Variants in MED27 observed in about 807,000 individuals in gnomAD.
MED27 encodes the protein mediator of RNA polymerase II transcription subunit 27.
In MED27, 30 loss-of-function variants were observed where a neutral mutation model predicts 38.2. The ratio of observed to expected loss-of-function variants is 0.79; its 90% CI spans 0.59 to 1.07. The LOEUF is 1.07. MED27 is among the 50% of genes least tolerant of loss of function. The pLI is 0.00. For synonymous variants in MED27, 122 were observed against 153.5 expected (o/e 0.79, Z 1.52); for missense variants, 289 against 397.5 (o/e 0.73, Z 2.32).
At chr9:131,868,682 G>A in intron 6 of MED27, 1 of 985,490 alleles carries the variant, frequency 1.0e-6, no homozygotes, top group Non-Finnish European at 1.2e-6. Flanking sequence ...ACACTGGGAG[G>A]CCCAGGCCTC....
chr9:132,006,934 C>T (rs1290179736), intron 3 of MED27, among the ~76,000 whole-genome samples: 1 of 152,192 alleles, frequency 6.6e-6, no homozygotes, highest in Non-Finnish European at 1.5e-5. Context: ...ACAGCATCTA[C>T]CACACATCTT....
chr9:132,026,932 C>T (rs1342512820), intron 2 of MED27, among the ~76,000 whole-genome samples: 3 of 152,186 alleles, frequency 2.0e-5, no homozygotes, highest in African/African-American at 7.2e-5. Flanking sequence ...GAGGCACAGA[C>T]GTTAAGCGGC....
At chr9:131,983,962 G>T (rs1446346996) in intron 3 of MED27, among the ~76,000 whole-genome samples, 1 of 152,142 alleles carries the variant, frequency 6.6e-6, no homozygotes, top group Non-Finnish European at 1.5e-5. Flanking sequence ...AGCTGTATTT[G>T]ATCAGAGCCA....
chr9:131,901,092 T>TGAGG lies in MED27; in HGVS notation c.574-7104_574-7101dup, dbSNP rs1217582103. On this transcript the variant is annotated intron_variant, in intron 4 of 7. Transcript: ENST00000292035. ...CAGAAGAAGAGATGGGGAGAGAGAA[T>TGAGG]GAGGGAGGGAGGGGGGAAGGAGGGG... Among the ~76,000 whole-genome samples, 4 of 40,130 alleles carry TGAGG rather than the reference T, an allele frequency of 1.0e-4. No individual in the cohort carries two copies. The South Asian group carries it at 2.9e-3, about 29-fold the overall frequency. The allele number at this position is 40,130 out of a possible 152,430, so 26.3% of individuals were successfully genotyped here. A position where few individuals can be genotyped will look rare whatever the true frequency, so the allele number is the denominator to read the frequency against.
intron 2 of MED27, among the ~76,000 whole-genome samples, chr9:132,015,194 A>G (rs1021416602): frequency 3.3e-5 from 5 of 152,266 alleles, no homozygotes; most frequent in Admixed American, 2.6e-4. Context: ...GCTTATGAAT[A>G]TATCTTACAA....
chr9:131,910,023 G>C (rs1383497712), intron 4 of MED27, among the ~76,000 whole-genome samples: 1 of 152,174 alleles, frequency 6.6e-6, no homozygotes, highest in Non-Finnish European at 1.5e-5. Context: ...TATAAGATTT[G>C]AATAGTAGCA....
intron 3 of MED27, among the ~76,000 whole-genome samples, chr9:131,995,175 C>T (rs945399059): frequency 3.9e-5 from 6 of 152,040 alleles, no homozygotes; most frequent in African/African-American, 1.5e-4. Flanking sequence ...TGGACATGTA[C>T]ATGGGCATAT....
At chr9:131,927,370 C>T (rs1830501071) in intron 4 of MED27, among the ~76,000 whole-genome samples, 10 of 152,216 alleles carry the variant, frequency 6.6e-5, no homozygotes, top group Admixed American at 5.9e-4. Flanking sequence ...TTGGCAATTT[C>T]AGAATCAAAT....
At chr9:131,957,584 C>T (rs1206860742) in intron 3 of MED27, among the ~76,000 whole-genome samples, 1 of 151,880 alleles carries the variant, frequency 6.6e-6, no homozygotes, top group Non-Finnish European at 1.5e-5. Context: ...TTTTTATTAC[C>T]CCCAAAACTA....
intron 3 of MED27, among the ~76,000 whole-genome samples, chr9:131,963,678 A>G (rs1439345996): frequency 6.6e-6 from 1 of 152,176 alleles, no homozygotes; most frequent in African/African-American, 2.4e-5. Context: ...ATATACTTAC[A>G]TTTATTCCTA....
intron 2 of MED27, 107 bp downstream of exon 2, chr9:132,077,335 T>C: frequency 1.7e-6 from 2 of 1,148,592 alleles, no homozygotes; most frequent in Non-Finnish European, 1.2e-6. Context: ...CCATGCTGAA[T>C]CAAGAACATA....
At chr9:131,993,166 CA>C (rs1160199780) in intron 3 of MED27, among the ~76,000 whole-genome samples, 1 of 152,070 alleles carries the variant, frequency 6.6e-6, no homozygotes, top group Non-Finnish European at 1.5e-5. Flanking sequence ...TAGAGTCTAC[CA>C]CCGTGCCTTA....
chr9:131,986,652 GT>G (rs1304890514), intron 3 of MED27, among the ~76,000 whole-genome samples: 1 of 152,178 alleles, frequency 6.6e-6, no homozygotes, highest in African/African-American at 2.4e-5. Context: ...TATAGCCTAG[GT>G]GTGCCGTGGG....
At chr9:131,938,181 G>A (rs1410219510) in intron 4 of MED27, among the ~76,000 whole-genome samples, 1 of 152,098 alleles carries the variant, frequency 6.6e-6, no homozygotes, top group Non-Finnish European at 1.5e-5. Context: ...TGAACGGCTG[G>A]AGTAAACAGT....
chr9:132,030,760 T>G (rs1218297697), intron 2 of MED27, among the ~76,000 whole-genome samples: 1 of 152,226 alleles, frequency 6.6e-6, no homozygotes, highest in East Asian at 1.9e-4. Context: ...GCCAGAGGCC[T>G]TCCTGTTGAA....
At chr9:131,901,339 G>A (rs1336665902) in intron 4 of MED27, among the ~76,000 whole-genome samples, 5 of 152,322 alleles carry the variant, frequency 3.3e-5, no homozygotes, top group Admixed American at 2.6e-4. Context: ...TCATAGAACT[G>A]TAGGCTGAAA....
At chr9:131,935,386 C>T (rs1375847451) in intron 4 of MED27, among the ~76,000 whole-genome samples, 20 of 152,056 alleles carry the variant, frequency 1.3e-4, no homozygotes, top group Non-Finnish European at 1.5e-5. Context: ...TAAAAACTTT[C>T]AAAACAAGTA....
At chr9:131,972,478 A>AG (rs2131015364) in intron 3 of MED27, among the ~76,000 whole-genome samples, 2 of 152,310 alleles carry the variant, frequency 1.3e-5, no homozygotes, top group East Asian at 3.9e-4. Flanking sequence ...ATTCTTCAAA[A>AG]GCCACACTAA....
chr9:132,004,328 A>G (rs940718441), intron 3 of MED27, among the ~76,000 whole-genome samples: 2 of 152,232 alleles, frequency 1.3e-5, no homozygotes, highest in Admixed American at 1.3e-4. Context: ...ATTAATATTT[A>G]TGAGGGATTC....
Sources: allele counts gnomAD v4.1 joint callset (sites outside exome capture counted in the v4.1 genomes callset), GRCh38; gene constraint gnomAD v4.1.1; transcripts MANE v1.5; gene names NCBI Gene and HGNC (gene_info 2026-07-23, HGNC 2026-07-21).